RABGEF1: variants seen among roughly 807,000 people sequenced by gnomAD.
RABGEF1 encodes RAB guanine nucleotide exchange factor 1, also known as rab5 GDP/GTP exchange factor.
In RABGEF1, 26 loss-of-function variants were observed where a neutral mutation model predicts 57.3. The ratio of observed to expected loss-of-function variants is 0.45; its 90% CI spans 0.33 to 0.63. The LOEUF (loss-of-function observed/expected upper bound fraction) is 0.63, where lower values mean the gene tolerates loss of function less well. Ranked by LOEUF, RABGEF1 falls within the 20% of genes least tolerant of loss-of-function variation. The pLI is 0.02. For missense variants in RABGEF1, 464 were observed against 607.6 expected (o/e 0.76, Z 2.48); for synonymous variants, 185 against 210.7 (o/e 0.88, Z 1.06).
intron 1 of RABGEF1, among the ~76,000 whole-genome samples, chr7:66,752,195 TAA>T (rs374011194): frequency 2.7e-5 from 4 of 145,602 alleles, no homozygotes; most frequent in African/African-American, 7.6e-5. Flanking sequence ...CTGTCCCAAT[TAA>T]AAAAAAAAAG....
Position 66,753,200 on chromosome 7 carries a change from A to G in RABGEF1, c.-18+12408A>G, listed in dbSNP as rs373633306. Among the ~76,000 whole-genome samples, 58 of 152,284 alleles carry G rather than the reference A, an allele frequency of 3.8e-4. No individual in the cohort carries two copies. In the East Asian group the frequency reaches 9.7e-3, roughly 25 times the overall value. On this transcript the variant is annotated intron_variant, in intron 1 of 8. Coordinates refer to ENST00000284957, the MANE Select transcript of RABGEF1 (RefSeq NM_014504.3). ...AGAAGGGTATTCTAAGTGGGTTCAT[A>G]AATAGGATGACCATGTAACTTATTA...
At chr7:66,775,784 A>T (rs1291456531) in intron 3 of RABGEF1, among the ~76,000 whole-genome samples, 2 of 152,150 alleles carry the variant, frequency 1.3e-5, no homozygotes, top group African/African-American at 4.8e-5. Flanking sequence ...TAGGCTTGAT[A>T]GTCATCTGAG....
chr7:66,746,536 G>A (rs1286857047), intron 1 of RABGEF1, among the ~76,000 whole-genome samples: 4 of 150,772 alleles, frequency 2.7e-5, no homozygotes, highest in Admixed American at 6.6e-5. Context: ...TGATCCACCC[G>A]CCTCGGCCTC....
At chr7:66,729,498 C>T (rs796982582) in intron 2 of RABGEF1, among the ~76,000 whole-genome samples, 2 of 5,148 alleles carry the variant, frequency 3.9e-4, no homozygotes, top group Admixed American at 2.3e-3. Flanking sequence ...TCACCTCCAT[C>T]CTCACCTTCA....
chr7:66,660,586 G>A, the RABGEF1 span, among the ~76,000 whole-genome samples: 2 of 149,696 alleles, frequency 1.3e-5, no homozygotes, highest in African/African-American at 4.9e-5. Context: ...CTTTCGGAGT[G>A]CACTCCATTG....
chr7:66,735,082 ATTAC>A (rs1418669931), intron 2 of RABGEF1, among the ~76,000 whole-genome samples: 1 of 152,170 alleles, frequency 6.6e-6, no homozygotes, highest in African/African-American at 2.4e-5. Flanking sequence ...CTAGAATTGT[ATTAC>A]TTATTTATGT....
intron 4 of RABGEF1, among the ~76,000 whole-genome samples, chr7:66,784,416 G>C (rs1159763829): frequency 3.9e-5 from 6 of 152,206 alleles, no homozygotes; most frequent in African/African-American, 1.4e-4. Flanking sequence ...ATGTCAACCA[G>C]AACTTGTGAT....
the RABGEF1 span, among the ~76,000 whole-genome samples, chr7:66,672,128 TA>T: frequency 1.3e-5 from 2 of 149,242 alleles, no homozygotes; most frequent in South Asian, 2.1e-4. Context: ...TGTTAAAAAA[TA>T]AAAAAAAACC....
At chr7:66,764,280 T>A (rs913083943) in intron 1 of RABGEF1, among the ~76,000 whole-genome samples, 9 of 152,230 alleles carry the variant, frequency 5.9e-5, no homozygotes, top group African/African-American at 2.2e-4. Context: ...TCTGGAGAAA[T>A]GTCCATTCAG....
intron 2 of RABGEF1, among the ~76,000 whole-genome samples, chr7:66,774,817 G>A (rs920601875): frequency 2.0e-5 from 3 of 152,102 alleles, no homozygotes; most frequent in Non-Finnish European, 2.9e-5. Context: ...AAACATCACC[G>A]TTGTAAAGCC....
At chr7:66,728,118 T>G (rs1796802032) in intron 2 of RABGEF1, among the ~76,000 whole-genome samples, 1 of 152,194 alleles carries the variant, frequency 6.6e-6, no homozygotes. Context: ...CCTTTGTGTC[T>G]GCTCAGGAAG....
chr7:66,756,450 T>G (rs1051780623), intron 1 of RABGEF1, among the ~76,000 whole-genome samples: 2 of 152,218 alleles, frequency 1.3e-5, no homozygotes, highest in African/African-American at 2.4e-5. Flanking sequence ...CATTTTGCGG[T>G]CTGCTCAAGG....
intron 1 of RABGEF1, among the ~76,000 whole-genome samples, chr7:66,756,969 T>C (rs1357749611): frequency 6.6e-6 from 1 of 152,200 alleles, no homozygotes; most frequent in Non-Finnish European, 1.5e-5. Context: ...TTCACAGTCT[T>C]CTAACTAGTT....
At chr7:66,674,984 A>T in the RABGEF1 span, among the ~76,000 whole-genome samples, 1 of 151,982 alleles carries the variant, frequency 6.6e-6, no homozygotes, top group Non-Finnish European at 1.5e-5. Flanking sequence ...GCTAGATGTC[A>T]TATTTTTCCA....
intron 1 of RABGEF1, chr7:66,756,036 A>C: frequency 6.7e-7 from 1 of 1,497,148 alleles, no homozygotes; most frequent in East Asian, 2.5e-5. Flanking sequence ...GCAAATGCTA[A>C]TAAGTCTTTT....
intron 1 of RABGEF1, among the ~76,000 whole-genome samples, chr7:66,684,981 T>C (rs1320462130): frequency 2.6e-5 from 4 of 151,846 alleles, no homozygotes; most frequent in African/African-American, 9.7e-5. Flanking sequence ...CCCAGGGTGG[T>C]CTCCAACCCC....
chr7:66,741,673 C>A (rs1489784882), intron 1 of RABGEF1, among the ~76,000 whole-genome samples: 1 of 152,168 alleles, frequency 6.6e-6, no homozygotes, highest in Non-Finnish European at 1.5e-5. Flanking sequence ...GCTTTCCCCC[C>A]TCTAAACCTA....
chr7:66,786,355 A>C (rs988166811), intron 4 of RABGEF1, among the ~76,000 whole-genome samples: 4 of 152,234 alleles, frequency 2.6e-5, no homozygotes, highest in African/African-American at 9.6e-5. Context: ...GCAGTATGGC[A>C]GTATAATGCT....
At chr7:66,745,141 G>A (rs888903712) in intron 1 of RABGEF1, among the ~76,000 whole-genome samples, 1 of 151,574 alleles carries the variant, frequency 6.6e-6, no homozygotes, top group Non-Finnish European at 1.5e-5. Context: ...GCAGTGAGCC[G>A]AGATTGTGCC....
Sources: gnomAD v4.1 joint callset for allele counts (sites outside exome capture counted in the v4.1 genomes callset) on GRCh38, gnomAD v4.1.1 for gene constraint, MANE v1.5 for transcripts, NCBI Gene and HGNC (gene_info 2026-07-23, HGNC 2026-07-21) for gene names.